Variants in NOS1 observed in about 807,000 individuals in gnomAD.
NOS1 encodes NOS type I.
NOS1 carries 51 observed loss-of-function variants against 164.5 expected under a neutral mutation model. That is an observed-to-expected ratio of 0.31 (90% CI 0.25 to 0.39). The LOEUF (loss-of-function observed/expected upper bound fraction) is 0.39. Ranked by LOEUF, NOS1 falls within the 10% of genes least tolerant of loss-of-function variation. NOS1 has a pLI of 1.00. For synonymous variants in NOS1, 719 were observed against 745.8 expected (o/e 0.96, Z 0.59); for missense variants, 1,362 against 1,885.6 (o/e 0.72, Z 5.14).
chr12:117,348,321 TC>T (rs1400989638), intron 1 of NOS1: 1 of 152,132 alleles, frequency 6.6e-6, no homozygotes, highest in African/African-American at 2.4e-5. Context: ...GGGATTCAAA[TC>T]CTGATTCTGT....
At chr12:117,337,166 A>T (rs1163796125) in intron 1 of NOS1, among the ~76,000 whole-genome samples, 36 of 119,282 alleles carry the variant, frequency 3.0e-4, no homozygotes, top group Admixed American at 8.1e-4. Flanking sequence ...CCCAGGCTGG[A>T]GTGCAGTGGC....
chr12:117,244,243 C>CTTAT (rs772527039), intron 18 of NOS1, among the ~76,000 whole-genome samples: 6 of 151,368 alleles, frequency 4.0e-5, no homozygotes, highest in South Asian at 2.1e-4. Flanking sequence ...AATTGCTGTC[C>CTTAT]TTATTTATTT....
intron 7 of NOS1, among the ~76,000 whole-genome samples, chr12:117,284,997 C>T (rs1490534061): frequency 6.7e-5 from 10 of 149,408 alleles, no homozygotes; most frequent in South Asian, 2.1e-4. Context: ...TTGCAGTGAG[C>T]CGAGATCATG....
intron 3 of NOS1, among the ~76,000 whole-genome samples, chr12:117,290,853 G>C (rs1873003467): frequency 6.6e-6 from 1 of 152,102 alleles, no homozygotes; most frequent in South Asian, 2.1e-4. Context: ...TGGATTTCTA[G>C]GCCTTTCTGT....
intron 20 of NOS1, among the ~76,000 whole-genome samples, chr12:117,240,941 C>CTTTTTTT (rs11398507): frequency 1.4e-5 from 2 of 138,972 alleles, no homozygotes; most frequent in Non-Finnish European, 3.1e-5. Flanking sequence ...TTTTCTTTTT[C>CTTTTTTT]TTTTTTTTTT....
In NOS1 at chr12:117,329,759, C is replaced by T. The variant is rs563617256; in HGVS notation, c.725+586G>A. On this transcript the variant is annotated intron_variant, in intron 2 of 28. Transcript: ENST00000317775. The stretch of plus-strand genomic sequence containing the variant: ...CTCCCACATAATCCCAGCAAGACTG[C>T]GGTTTTTAGGAACCGGGGCCAGTTC... 2.0e-4 allele frequency among the ~76,000 whole-genome samples: 30 copies of T among 152,270 alleles called. 2 individuals carry two copies. Among genetic ancestry groups the T allele is most frequent in the African/African-American group, 6.7e-4 (28 of 41,556 alleles).
At chr12:117,349,225 T>G (rs148824163) in intron 1 of NOS1, among the ~76,000 whole-genome samples, 125 of 152,366 alleles carry the variant, frequency 8.2e-4, no homozygotes, top group South Asian at 1.9e-3. Flanking sequence ...AGATGAGGCT[T>G]TTTGAGTCTG....
chr12:117,257,139 C>T (rs1871525220), intron 16 of NOS1, among the ~76,000 whole-genome samples: 2 of 151,842 alleles, frequency 1.3e-5, no homozygotes, highest in African/African-American at 2.4e-5. Flanking sequence ...GCTGGGGTGC[C>T]GTGGTATAAT....
chr12:117,339,670 C>T (rs1876005020), intron 1 of NOS1, among the ~76,000 whole-genome samples: 1 of 152,174 alleles, frequency 6.6e-6, no homozygotes, highest in South Asian at 2.1e-4. Context: ...TATGGCACAT[C>T]CATACAACGG....
chr12:117,273,947 A>G (rs1163727332), intron 9 of NOS1, among the ~76,000 whole-genome samples: 1 of 152,170 alleles, frequency 6.6e-6, no homozygotes, highest in African/African-American at 2.4e-5. Context: ...CCAGGCAACA[A>G]AAGCAAAAAT....
chr12:117,335,294 G>A (rs942694730), intron 1 of NOS1, among the ~76,000 whole-genome samples: 6 of 152,250 alleles, frequency 3.9e-5, no homozygotes, highest in Middle Eastern at 3.4e-3. Flanking sequence ...GGGGGGCACC[G>A]TCTAGGGAGA....
At chr12:117,293,381 TTCTC>T (rs752682763) in intron 3 of NOS1, among the ~76,000 whole-genome samples, 24 of 152,130 alleles carry the variant, frequency 1.6e-4, no homozygotes, top group Non-Finnish European at 3.1e-4. Flanking sequence ...CATCAGCCTC[TTCTC>T]TATCTCCCAC....
intron 3 of NOS1, among the ~76,000 whole-genome samples, chr12:117,302,321 G>A (rs771352447): frequency 6.6e-6 from 1 of 152,142 alleles, no homozygotes; most frequent in Admixed American, 6.5e-5. Context: ...GTCGGCCGGC[G>A]CGGTGGCTCA....
intron 17 of NOS1, among the ~76,000 whole-genome samples, chr12:117,252,481 T>G (rs1871172454): frequency 6.6e-6 from 1 of 152,200 alleles, no homozygotes; most frequent in Admixed American, 6.5e-5. Context: ...GTTTCAGTGT[T>G]GAGCTGAAAA....
At position 117,268,189 on chromosome 12, in the gene NOS1, G is replaced by A. The variant is rs766582219; in HGVS notation, c.1840-45C>T. 30 of 1,344,006 alleles carry A rather than the reference G, an allele frequency of 2.2e-5. No homozygotes were observed. In the South Asian group the frequency reaches 3.5e-4, roughly 16 times the overall value. 83.3% of individuals were successfully genotyped at this position (1,344,006 alleles called of 1,614,324 possible). ...CAGATATACAGGCTGGGGTATCTCT[G>A]GATTTCAGATTGAAGAGGGACAGGG... On this transcript the variant is annotated intron_variant, in intron 10 of 28. Coordinates refer to ENST00000317775, the MANE Select transcript of NOS1 (RefSeq NM_000620.5).
Position 117,265,325 on chromosome 12 carries a change from G to T in NOS1, c.2127C>A (p.Phe709Leu). Residue 709 changes from phenylalanine (F) to leucine (L), a missense_variant, in exon 12 of 29, where the codon TTC (phenylalanine) becomes TTA (leucine). Phe to Leu is a conservative substitution (Grantham distance 22). Around this residue, in one of 4 missense-constraint regions of NOS1, gnomAD observed 737 missense variants for 1,030.3 expected, o/e 0.72. Coordinates refer to ENST00000317775, the MANE Select transcript of NOS1 (RefSeq NM_000620.5). ...EMLNYRLTPS[F>L]EYQPDPWNTH... Reference sequence around the variant, plus strand: ...AGGGACAGGGAAGGACCTGGTATTCGAAGGAGGGGGTGAGCCGGTAGTTGA... The same window carrying T: ...AGGGACAGGGAAGGACCTGGTATTCTAAGGAGGGGGTGAGCCGGTAGTTGA... 6.5e-7 allele frequency: 1 copy of T among 1,545,964 alleles called. No individual in the cohort carries two copies. Among genetic ancestry groups the T allele is most frequent in the South Asian group, 1.3e-5 (1 of 79,060 alleles).
intron 2 of NOS1, among the ~76,000 whole-genome samples, chr12:117,326,772 C>A (rs925747796): frequency 6.6e-6 from 1 of 152,202 alleles, no homozygotes; most frequent in Middle Eastern, 3.2e-3. Context: ...CTTGGGGAAA[C>A]AAAGGCAGGA....
chr12:117,236,388 G>A (rs1243627921), intron 20 of NOS1, among the ~76,000 whole-genome samples: 2 of 151,992 alleles, frequency 1.3e-5, no homozygotes, highest in Non-Finnish European at 2.9e-5. Context: ...AGAGTTGAGC[G>A]GGCACATTAT....
chr12:117,224,072 A>G (rs1018801355), intron 25 of NOS1, among the ~76,000 whole-genome samples: 1 of 152,228 alleles, frequency 6.6e-6, no homozygotes, highest in Non-Finnish European at 1.5e-5. Flanking sequence ...CAAGTACTTT[A>G]TAAATGTTAG....
Sources: gnomAD v4.1 joint callset for allele counts (sites outside exome capture counted in the v4.1 genomes callset) on GRCh38, gnomAD v4.1.1 for gene constraint, gnomAD v4.1.1 regional missense constraint, MANE v1.5 for transcripts, NCBI Gene and HGNC (gene_info 2026-07-23, HGNC 2026-07-21) for gene names.